The following ADGRB2 variants were observed in gnomAD, a reference collection of about 807,000 sequenced individuals.
ADGRB2 encodes the protein adhesion G protein-coupled receptor B2, also known as brain-specific angiogenesis inhibitor 2.
In ADGRB2, 47 loss-of-function variants were observed where a neutral mutation model predicts 178.7. That is an observed-to-expected ratio of 0.26 (90% CI 0.21 to 0.34). The LOEUF is 0.34. Among genes scored for constraint, ADGRB2 ranks in the 10% least tolerant of loss-of-function variants. The pLI is 1.00. For synonymous variants in ADGRB2, 870 were observed against 912.4 expected (o/e 0.95, Z 0.84); for missense variants, 1,584 against 2,180.8 (o/e 0.73, Z 5.45).
At chr1:31,737,584 G>A in intron 19 of ADGRB2, 53 bp from the exon 20 acceptor site, 1 of 1,610,892 alleles carries the variant, frequency 6.2e-7, no homozygotes, top group Admixed American at 1.7e-5. Flanking sequence ...CATCCGACCT[G>A]GTGTGGCTGG....
At position 31,759,250 on chromosome 1, in the gene ADGRB2, C is replaced by T. The variant is rs1356954829; in HGVS notation, c.-190-1739G>A. 2.8e-5 allele frequency: 22 copies of T among 774,684 alleles called. No homozygotes were observed. The South Asian group carries it at 3.0e-4, about 10-fold the overall frequency. The allele number at this position is 774,684 out of a possible 1,614,324, so 48.0% of individuals were successfully genotyped here. Reference sequence around the variant, plus strand: ...ACACACTCAGGAGTTAACACGCACACACAGGGGTGTAGAGGCTTACACTTG... The same window carrying T: ...ACACACTCAGGAGTTAACACGCACATACAGGGGTGTAGAGGCTTACACTTG... On this transcript the variant is annotated intron_variant, in intron 1 of 32. Transcript: ENST00000373658. The surrounding 1 kb of genome is among the most constrained non-coding windows in gnomAD (Gnocchi z 4.3).
chr1:31,747,659 C>T (rs1401163836), intron 4 of ADGRB2, among the ~76,000 whole-genome samples: 1 of 152,190 alleles, frequency 6.6e-6, no homozygotes, highest in Non-Finnish European at 1.5e-5. Flanking sequence ...ACCATAAGCC[C>T]GTTGAGGGAA....
intron 18 of ADGRB2, 42 bp from the exon 19 acceptor site, chr1:31,737,797 G>C (rs745346523): frequency 1.1e-5 from 17 of 1,576,142 alleles, no homozygotes; most frequent in Non-Finnish European, 1.4e-5. Context: ...TCCTGGGAGG[G>C]GGGAGCTGCA....
rs1232012194 is a variant in ADGRB2 at position 31,738,948 on chromosome 1, G to C, written c.2496-11C>G. ...ACGGCCAGCGGGGGCCTGCGGGACAGGTACCGAAGTCAGCTCCTGCCAGCG... is the reference window on the plus strand; with the variant it reads ...ACGGCCAGCGGGGGCCTGCGGGACACGTACCGAAGTCAGCTCCTGCCAGCG... On this transcript the variant is annotated splice_polypyrimidine_tract_variant and intron_variant, in intron 15 of 32. Transcript: ENST00000373658. 1.3e-6 allele frequency: 2 copies of C among 1,599,144 alleles called. No homozygotes were observed. Among genetic ancestry groups the C allele is most frequent in the East Asian group, 2.2e-5 (1 of 44,832 alleles).
chr1:31,754,585 G>A lies in ADGRB2; in HGVS notation c.838+1414C>T, dbSNP rs189566170. ...CCTACCCGCGGCCCGGCTGTCACTC[G>A]GACGGCTTCATTGACCGCCGTTAGA... On this transcript the variant is annotated intron_variant, in intron 4 of 32. Coordinates refer to ENST00000373658, the MANE Select transcript of ADGRB2 (RefSeq NM_001364857.2). This position sits in a 1 kb window ranked among gnomAD's most constrained non-coding sequence, Gnocchi z 5.7. Among the ~76,000 whole-genome samples, 76 of 152,372 alleles carry A rather than the reference G, an allele frequency of 5.0e-4. No homozygotes were observed. The highest frequency in any genetic ancestry group is 1.8e-3 in the African/African-American group (75 of 41,596).
At position 31,741,008 on chromosome 1, in the gene ADGRB2, A is replaced by C. The variant is rs1645933501; in HGVS notation, c.1794+365T>G. 6.6e-6 allele frequency among the ~76,000 whole-genome samples: 1 copy of C among 152,148 alleles called. No individual in the cohort carries two copies. The highest frequency in any genetic ancestry group is 2.4e-5 in the African/African-American group (1 of 41,420). Reference sequence around the variant, plus strand: ...AATACCCAATTACAGTCAAACATGTACACACATTCACTGATGCTACTCTTA... The same window carrying C: ...AATACCCAATTACAGTCAAACATGTCCACACATTCACTGATGCTACTCTTA... On this transcript the variant is annotated intron_variant, in intron 11 of 32. Transcript: ENST00000373658. This position sits in a 1 kb window ranked among gnomAD's most constrained non-coding sequence, Gnocchi z 6.5.
chr1:31,743,207 G>C (rs926179784), intron 6 of ADGRB2, among the ~76,000 whole-genome samples: 1 of 152,064 alleles, frequency 6.6e-6, no homozygotes, highest in East Asian at 1.9e-4. Context: ...ACAGGCTTCC[G>C]GTCCTAATTC....
Position 31,736,479 on chromosome 1 carries a change from G to A in ADGRB2, c.3131-89C>T. 6 of 1,599,148 alleles carry A rather than the reference G, an allele frequency of 3.8e-6. No homozygotes were observed. In the South Asian group the frequency reaches 5.6e-5, roughly 15 times the overall value. ...GACTCCCATCCCAGCTGACCCCTGT[G>A]CCCAGAGAGCTGGGCCAGGGCCAAA... On this transcript the variant is annotated intron_variant, in intron 21 of 32. Transcript: ENST00000373658.
rs1645265569 is a variant in ADGRB2, at chr1:31,731,213, G to C, written c.3967C>G (p.Pro1323Ala). 1.9e-6 allele frequency: 3 copies of C among 1,602,804 alleles called. No individual in the cohort carries two copies. Among genetic ancestry groups the C allele is most frequent in the Non-Finnish European group, 1.7e-6 (2 of 1,175,390 alleles). ...GEPPPPQEAN[P>A]VYMCGEGGLR... Reference sequence around the variant, plus strand: ...CCACCCTCCCCACACATGTAAACAGGGTTGGCCTCCTGTGGGGGCGGAGGC... The same window carrying C: ...CCACCCTCCCCACACATGTAAACAGCGTTGGCCTCCTGTGGGGGCGGAGGC... Residue 1323 changes from proline (P) to alanine (A), a missense_variant, in exon 29 of 33, where the codon CCT becomes GCT. Around this residue, in one of 3 missense-constraint regions of ADGRB2, gnomAD observed 865 missense variants for 1,192.8 expected, o/e 0.73. Transcript: ENST00000373658.
intron 4 of ADGRB2, among the ~76,000 whole-genome samples, chr1:31,752,400 C>T (rs963578039): frequency 3.9e-5 from 6 of 152,126 alleles, no homozygotes; most frequent in African/African-American, 7.2e-5. Context: ...TGGGTCTCCC[C>T]GCCCCCACCC....
chr1:31,758,100 G>C lies in ADGRB2; in HGVS notation c.-190-589C>G, dbSNP rs1557796988. On this transcript the variant is annotated intron_variant, in intron 1 of 32. Transcript: ENST00000373658. The surrounding 1 kb of genome is among the most constrained non-coding windows in gnomAD (Gnocchi z 4.2). ...GAAAATGGAACCTAGCGCGTGGTCT[G>C]AATCAGCCCCACTTCCAATCCTACC... Among the ~76,000 whole-genome samples the C allele has an allele frequency of 2.6e-5, 4 of 152,192 alleles. No individual in the cohort carries two copies. The highest frequency in any genetic ancestry group is 9.7e-5 in the African/African-American group (4 of 41,436).
At chr1:31,736,954 A>T (rs2148925027) in intron 20 of ADGRB2, among the ~76,000 whole-genome samples, 1 of 152,284 alleles carries the variant, frequency 6.6e-6, no homozygotes, top group South Asian at 2.1e-4. Flanking sequence ...CAGGCTGCCC[A>T]CGCACAGACG....
chr1:31,741,436 C>T lies in ADGRB2; in HGVS notation c.1731G>A (p.Ala577=), dbSNP rs370752253. ...GAGCAAAGCTGGGCAGCCCCCAGTA[C>T]GCCACGCCTTGGGCACTGAGGAGAC... is the stretch of plus-strand genomic sequence containing the variant. ...RRCLLSAQGV[A]YWGLPSFARC... is the part of the protein sequence containing the mutation. The change falls in exon 11 of 33, where the codon GCG becomes GCA. Residue 577 remains alanine (A), a synonymous_variant. Coordinates refer to ENST00000373658, the MANE Select transcript of ADGRB2 (RefSeq NM_001364857.2). This position sits in a 1 kb window ranked among gnomAD's most constrained non-coding sequence, Gnocchi z 6.5. 1.4e-5 allele frequency: 22 copies of T among 1,605,242 alleles called. No individual in the cohort carries two copies. The highest frequency in any genetic ancestry group is 6.7e-5 in the South Asian group (6 of 89,492).
Position 31,758,090 on chromosome 1 carries a change from C to T in ADGRB2, c.-190-579G>A, listed in dbSNP as rs1302472786. ...CAACTGCCCAGAAAATGGAACCTAGCGCGTGGTCTGAATCAGCCCCACTTC... is the reference window on the plus strand; with the variant it reads ...CAACTGCCCAGAAAATGGAACCTAGTGCGTGGTCTGAATCAGCCCCACTTC... On this transcript the variant is annotated intron_variant, in intron 1 of 32. Coordinates refer to ENST00000373658, the MANE Select transcript of ADGRB2 (RefSeq NM_001364857.2). The surrounding 1 kb of genome is among the most constrained non-coding windows in gnomAD (Gnocchi z 4.2). Among the ~76,000 whole-genome samples, 2 of 152,174 alleles carry T rather than the reference C, an allele frequency of 1.3e-5. No individual in the cohort carries two copies. The highest frequency in any genetic ancestry group is 1.9e-4 in the East Asian group (1 of 5,194).
rs989761946 is a variant in ADGRB2, at chr1:31,727,312, A to G, written c.*108T>C. Reference sequence around the variant, plus strand: ...CTGAGTCCACGGCGCCTCCCTGCCCAGCCCTCGGGAGAGGGGAGAGGGCGC... The same window carrying G: ...CTGAGTCCACGGCGCCTCCCTGCCCGGCCCTCGGGAGAGGGGAGAGGGCGC... On this transcript the variant is annotated 3_prime_UTR_variant, in exon 33 of 33. Transcript: ENST00000373658. This position sits in a 1 kb window ranked among gnomAD's most constrained non-coding sequence, Gnocchi z 4.4. The G allele has an allele frequency of 3.7e-6, 5 of 1,347,642 alleles. No homozygotes were observed. In the African/African-American group the frequency reaches 6.2e-5, roughly 17 times the overall value. The allele number at this position is 1,347,642 out of a possible 1,614,324, so 83.5% of individuals were successfully genotyped here. A position where few individuals can be genotyped will look rare whatever the true frequency, so the allele number is the denominator to read the frequency against.
At chr1:31,745,453 T>C (rs1235831523) in intron 4 of ADGRB2, among the ~76,000 whole-genome samples, 1 of 152,188 alleles carries the variant, frequency 6.6e-6, no homozygotes, top group African/African-American at 2.4e-5. Context: ...CACCAGGCTC[T>C]CAGCTGCCCT....
At chr1:31,737,340 G>C in intron 20 of ADGRB2, 89 bp downstream of exon 20, 1 of 1,230,618 alleles carries the variant, frequency 8.1e-7, no homozygotes. Flanking sequence ...ACCACTAATG[G>C]ACGTACAAGC....
intron 4 of ADGRB2, among the ~76,000 whole-genome samples, chr1:31,747,105 G>A (rs1646317990): frequency 6.6e-6 from 1 of 152,084 alleles, no homozygotes; most frequent in Non-Finnish European, 1.5e-5. Flanking sequence ...TGGATACTTT[G>A]CAGACCTGGT....
At position 31,761,356 on chromosome 1, in the gene ADGRB2, C is replaced by A. The variant is rs1647038229; in HGVS notation, c.-191+2528G>T. ...GCCCGGTGGCCCTGCTAACTCTGAC[C>A]CAAGGCAAAGGGCCCTGGGAAATTC... On this transcript the variant is annotated intron_variant, in intron 1 of 32. Coordinates refer to ENST00000373658, the MANE Select transcript of ADGRB2 (RefSeq NM_001364857.2). This position sits in a 1 kb window ranked among gnomAD's most constrained non-coding sequence, Gnocchi z 4.2. Among the ~76,000 whole-genome samples, 1 of 152,198 alleles carries A rather than the reference C, an allele frequency of 6.6e-6. No individual in the cohort carries two copies. The highest frequency in any genetic ancestry group is 2.4e-5 in the African/African-American group (1 of 41,452).
Sources: allele counts gnomAD v4.1 joint callset (sites outside exome capture counted in the v4.1 genomes callset), GRCh38; gene constraint gnomAD v4.1.1; regional missense constraint gnomAD v4.1.1; non-coding constraint Gnocchi (gnomAD v3.1); transcripts MANE v1.5; gene names NCBI Gene and HGNC (gene_info 2026-07-23, HGNC 2026-07-21).